Variants in EPB41L1 observed in about 807,000 individuals in gnomAD.
The protein encoded by EPB41L1 is band 4.1-like protein 1.
EPB41L1 carries 29 observed loss-of-function variants against 97.8 expected under a neutral mutation model. The ratio of observed to expected loss-of-function variants is 0.30; its 90% CI spans 0.22 to 0.40. The LOEUF (loss-of-function observed/expected upper bound fraction) is 0.40, where lower values mean the gene tolerates loss of function less well. EPB41L1 is among the 10% of genes least tolerant of loss of function. The pLI, the probability that EPB41L1 is intolerant of heterozygous loss-of-function variation, is 1.00. For synonymous variants in EPB41L1, 383 were observed against 459.2 expected (o/e 0.83, Z 2.12); for missense variants, 812 against 1,162.3 (o/e 0.70, Z 4.38).
chr20:36,126,039 C>T (rs1427635337), intron 2 of EPB41L1, among the ~76,000 whole-genome samples: 1 of 152,026 alleles, frequency 6.6e-6, no homozygotes, highest in African/African-American at 2.4e-5. Context: ...ATTATAAAAC[C>T]GAAAGTATGG....
At chr20:36,155,488 C>A (rs2060256246) in intron 1 of EPB41L1, 1 of 422,554 alleles carries the variant, frequency 2.4e-6, no homozygotes, top group African/African-American at 2.0e-5. Flanking sequence ...CTTGTGTGTC[C>A]CACTTGTGTC....
At chr20:36,160,558 C>T (rs759299135) in intron 1 of EPB41L1, among the ~76,000 whole-genome samples, 79 of 151,726 alleles carry the variant, frequency 5.2e-4, no homozygotes, top group Non-Finnish European at 9.6e-4. Context: ...CCATTGCACT[C>T]CAGCCTGGGT....
At chr20:36,134,852 C>CA (rs1555837789) in intron 2 of EPB41L1, among the ~76,000 whole-genome samples, 2 of 107,630 alleles carry the variant, frequency 1.9e-5, no homozygotes, top group Non-Finnish European at 3.8e-5. Context: ...TTTTCTCTGT[C>CA]TTTTTTTTTT....
Position 36,135,178 on chromosome 20 carries a change from A to G in EPB41L1, c.-10+22698A>G, listed in dbSNP as rs191137089. 1.4e-4 allele frequency among the ~76,000 whole-genome samples: 22 copies of G among 152,140 alleles called. No individual in the cohort carries two copies. The East Asian group carries it at 4.1e-3, about 28-fold the overall frequency. ...GCACCCAGCCTACTTTGTATTGTCT[A>G]TTATCACGGCCTGCAACCCACTTTC... On this transcript the variant is annotated intron_variant, in intron 2 of 19. Coordinates refer to the EPB41L1 transcript ENST00000202028.
chr20:36,103,507 T>C (rs1337773644), intron 1 of EPB41L1, among the ~76,000 whole-genome samples: 3 of 152,172 alleles, frequency 2.0e-5, no homozygotes, highest in Non-Finnish European at 1.5e-5. Context: ...AGCAGATCAC[T>C]TCCTCTCTCC....
At chr20:36,126,391 A>G (rs2058968419) in intron 2 of EPB41L1, among the ~76,000 whole-genome samples, 1 of 143,990 alleles carries the variant, frequency 6.9e-6, no homozygotes, top group African/African-American at 2.6e-5. Context: ...TTTGAGACAG[A>G]GTTTCACTCT....
intron 21 of EPB41L1, 126 bp downstream of exon 21, chr20:36,222,520 C>G (rs2063842045): frequency 1.4e-6 from 1 of 736,630 alleles, no homozygotes; most frequent in African/African-American, 1.7e-5. Flanking sequence ...CTCCCCCCAT[C>G]AGCCTTCCTG....
At position 36,230,620 on chromosome 20, in the gene EPB41L1, C is replaced by G. The variant is rs1027764854; in HGVS notation, c.*1280C>G. 1 of 152,256 alleles carries G rather than the reference C, an allele frequency of 6.6e-6. No homozygotes were observed. The highest frequency in any genetic ancestry group is 2.4e-5 in the African/African-American group (1 of 41,420). The allele number at this position is 152,256 out of a possible 1,614,324, so 9.4% of individuals were successfully genotyped here. A position where few individuals can be genotyped will look rare whatever the true frequency, so the allele number is the denominator to read the frequency against. ...GTTCAAGACACCTTCTCCCTGCCCC[C>G]CTGGTAGTAACAGTCAGGGCCTGGT... On this transcript the variant is annotated 3_prime_UTR_variant, in exon 22 of 22. Transcript: ENST00000338074.
At chr20:36,171,348 C>T (rs1006442139) in intron 1 of EPB41L1, among the ~76,000 whole-genome samples, 2 of 152,044 alleles carry the variant, frequency 1.3e-5, no homozygotes, top group Admixed American at 6.6e-5. Flanking sequence ...AGTCAGCACT[C>T]ATTGTCCTGT....
chr20:36,192,080 G>A (rs1213139989), intron 11 of EPB41L1, among the ~76,000 whole-genome samples: 2 of 152,044 alleles, frequency 1.3e-5, no homozygotes, highest in Non-Finnish European at 2.9e-5. Context: ...ACAAAAATTA[G>A]CCGGGCGTGG....
At chr20:36,182,592 C>A (rs756696989) in intron 6 of EPB41L1, among the ~76,000 whole-genome samples, 3 of 152,150 alleles carry the variant, frequency 2.0e-5, no homozygotes, top group African/African-American at 4.8e-5. Flanking sequence ...AACTGTGGGG[C>A]CTTTTGTAGA....
intron 2 of EPB41L1, among the ~76,000 whole-genome samples, chr20:36,147,748 T>C (rs1442946538): frequency 6.6e-6 from 1 of 152,150 alleles, no homozygotes; most frequent in Non-Finnish European, 1.5e-5. Flanking sequence ...ACACAGCTTT[T>C]CTCCTGTTGC....
chr20:36,173,101 A>C (rs773768484), intron 1 of EPB41L1, among the ~76,000 whole-genome samples: 1 of 152,226 alleles, frequency 6.6e-6, no homozygotes, highest in Non-Finnish European at 1.5e-5. Context: ...GTTTTGGATG[A>C]GTCTGAGAGA....
At chr20:36,186,323 C>G (rs1347243395) in intron 7 of EPB41L1, among the ~76,000 whole-genome samples, 2 of 152,130 alleles carry the variant, frequency 1.3e-5, no homozygotes, top group Non-Finnish European at 2.9e-5. Flanking sequence ...GCATTATAAA[C>G]TGTAAAGTGC....
upstream of EPB41L1, chr20:36,152,875 C>A (rs754829543): frequency 2.3e-6 from 1 of 433,514 alleles, no homozygotes; most frequent in Non-Finnish European, 4.7e-6. Context: ...AGGCAAAGGA[C>A]AGGATTTGTA....
intron 1 of EPB41L1, among the ~76,000 whole-genome samples, chr20:36,105,988 C>G (rs1046675296): frequency 3.3e-5 from 5 of 152,284 alleles, no homozygotes; most frequent in Non-Finnish European, 2.9e-5. Context: ...CCCCTGCCTC[C>G]AGCTAAGGTG....
In EPB41L1 at chr20:36,204,471, CTTTTTTTTTTTT is replaced by C. The variant is rs765673962; in HGVS notation, c.1669-5002_1669-4991del. On this transcript the variant is annotated intron_variant, in intron 14 of 21. Transcript: ENST00000338074. ...GGCCTAACAGTGCTGCGATCTGGTG[CTTTTTTTTTTTT>C]TTTTTTTTTTTTTTGAGATGGAGTT... Among the ~76,000 whole-genome samples the C allele has an allele frequency of 3.3e-5, 3 of 90,606 alleles. 1 individual carries two copies. Among genetic ancestry groups the C allele is most frequent in the Admixed American group, 1.1e-4 (1 of 8,802 alleles). 59.4% of individuals were successfully genotyped at this position (90,606 alleles called of 152,430 possible).
At position 36,207,034 on chromosome 20, in the gene EPB41L1, C is replaced by T. The variant is rs1262059569; in HGVS notation, c.1669-2454C>T. ...TCCCACCCAGAAAGGAGGGGCTGAG[C>T]TGAAGGACCGCGAGGCTTCAGCATT... On this transcript the variant is annotated intron_variant, in intron 14 of 21. Transcript: ENST00000338074. This position sits in a 1 kb window ranked among gnomAD's most constrained non-coding sequence, Gnocchi z 4.9. 1.6e-6 allele frequency: 2 copies of T among 1,289,900 alleles called. No homozygotes were observed. Among genetic ancestry groups the T allele is most frequent in the African/African-American group, 3.0e-5 (2 of 66,004 alleles). 79.9% of individuals were successfully genotyped at this position (1,289,900 alleles called of 1,614,324 possible). A position where few individuals can be genotyped will look rare whatever the true frequency, so the allele number is the denominator to read the frequency against.
intron 7 of EPB41L1, among the ~76,000 whole-genome samples, chr20:36,186,606 C>G (rs1463815372): frequency 6.6e-6 from 1 of 152,086 alleles, no homozygotes; most frequent in Non-Finnish European, 1.5e-5. Context: ...CTACAATGCC[C>G]AGGTTAGCAA....
Sources: gnomAD v4.1 joint callset for allele counts (sites outside exome capture counted in the v4.1 genomes callset) on GRCh38, gnomAD v4.1.1 for gene constraint, Gnocchi (gnomAD v3.1) non-coding constraint, MANE v1.5 for transcripts, NCBI Gene and HGNC (gene_info 2026-07-23, HGNC 2026-07-21) for gene names.